IL6ST: variants seen among roughly 807,000 people sequenced by gnomAD.
IL6ST encodes the protein interleukin 6 cytokine family signal transducer, also known as interleukin-6 receptor subunit beta.
A neutral mutation model predicts 91.3 loss-of-function variants in IL6ST; 24 were observed. The ratio of observed to expected loss-of-function variants is 0.26; its 90% CI spans 0.19 to 0.37. The LOEUF (loss-of-function observed/expected upper bound fraction) is 0.37, where lower values mean the gene tolerates loss of function less well. Ranked by LOEUF, IL6ST falls within the 10% of genes least tolerant of loss-of-function variation. The pLI is 1.00. For synonymous variants in IL6ST, 351 were observed against 373.6 expected (o/e 0.94, Z 0.70); for missense variants, 914 against 1,078.5 (o/e 0.85, Z 2.14).
At chr5:55,977,016 T>G (rs959388031) in intron 2 of IL6ST, among the ~76,000 whole-genome samples, 2 of 152,140 alleles carry the variant, frequency 1.3e-5, no homozygotes, top group African/African-American at 4.8e-5. Flanking sequence ...ACTCAAATGT[T>G]CACAGCAGCT....
intron 7 of IL6ST, among the ~76,000 whole-genome samples, chr5:55,962,895 G>A (rs923731529): frequency 3.3e-5 from 5 of 151,914 alleles, no homozygotes; most frequent in African/African-American, 9.7e-5. Flanking sequence ...TAGGAGAATC[G>A]CTTAAGGCCA....
intron 16 of IL6ST, 86 bp from the exon 17 acceptor site, chr5:55,941,905 G>T: frequency 1.7e-6 from 2 of 1,146,786 alleles, no homozygotes; most frequent in Non-Finnish European, 2.5e-6. Flanking sequence ...GTAACTCTCA[G>T]TGGTACAGAA....
In IL6ST at chr5:55,988,411, A is replaced by G. The variant is rs73122424; in HGVS notation, c.-103-5600T>C. On this transcript the variant is annotated intron_variant, in intron 1 of 16. Transcript: ENST00000381298. ...ATTTAACACAGTAGTCAAACAAAAC[A>G]TCATCAAAAAATAATAGGACTATTT... 3.1e-3 allele frequency among the ~76,000 whole-genome samples: 467 copies of G among 152,318 alleles called. 3 individuals carry two copies. Among genetic ancestry groups the G allele is most frequent in the African/African-American group, 0.011 (452 of 41,564 alleles).
chr5:55,950,239 G>C (rs750487693), intron 14 of IL6ST: 179 of 473,434 alleles, frequency 3.8e-4, no homozygotes, highest in Non-Finnish European at 6.3e-4. Context: ...AGGCAAGTAA[G>C]AAAACAGGGT....
At chr5:55,984,896 C>T (rs1032384992) in intron 1 of IL6ST, among the ~76,000 whole-genome samples, 3 of 152,090 alleles carry the variant, frequency 2.0e-5, no homozygotes, top group Admixed American at 6.5e-5. Flanking sequence ...GAAACTAACA[C>T]ATAGTGTGTG....
At chr5:55,975,840 T>C (rs1251231538) in intron 3 of IL6ST, among the ~76,000 whole-genome samples, 2 of 151,906 alleles carry the variant, frequency 1.3e-5, no homozygotes, top group Admixed American at 6.6e-5. Context: ...CTGAAGAGCA[T>C]GTAGTATGAA....
rs774387992 is a variant in IL6ST at position 55,968,356 on chromosome 5, G to A, written c.411C>T (p.Asn137=). Residue 137 remains asparagine (N), a synonymous_variant, in exon 5 of 17, where the codon AAC becomes AAT. Coordinates refer to ENST00000381298, the MANE Select transcript of IL6ST (RefSeq NM_002184.4). ...EKPKNLSCIV[N]EGKKMRCEWD... ...ACTCACACCTCATTTTCTTCCCCTC[G>A]TTCACAATGCAACTCAAATTTTTAG... is the stretch of plus-strand genomic sequence containing the variant. 9.3e-6 allele frequency: 15 copies of A among 1,609,724 alleles called. No individual in the cohort carries two copies. The highest frequency in any genetic ancestry group is 4.5e-5 in the East Asian group (2 of 44,692).
At chr5:55,984,007 ATTT>A (rs35768498) in intron 1 of IL6ST, among the ~76,000 whole-genome samples, 2 of 146,478 alleles carry the variant, frequency 1.4e-5, no homozygotes, top group Non-Finnish European at 3.0e-5. Context: ...CCCTTTACTG[ATTT>A]TTTTTTTTTC....
chr5:55,964,500 TA>T (rs1442583015), intron 5 of IL6ST, among the ~76,000 whole-genome samples, 188 bp from the exon 6 acceptor site: 3 of 152,230 alleles, frequency 2.0e-5, no homozygotes, highest in African/African-American at 7.2e-5. Flanking sequence ...ATCTATATCT[TA>T]AAACATAAAA....
intron 6 of IL6ST, 88 bp downstream of exon 6, chr5:55,964,058 A>T: frequency 1.6e-6 from 1 of 615,274 alleles, no homozygotes; most frequent in Non-Finnish European, 2.5e-6. Context: ...TCTACATTAA[A>T]ATCTTAAAAA....
At position 55,974,158 on chromosome 5, in the gene IL6ST, A is replaced by C. The variant is rs1277961663; in HGVS notation, c.64+2057T>G. Among the ~76,000 whole-genome samples, 7 of 152,206 alleles carry C rather than the reference A, an allele frequency of 4.6e-5. No individual in the cohort carries two copies. In the South Asian group the frequency reaches 1.2e-3, roughly 27 times the overall value. On this transcript the variant is annotated intron_variant, in intron 3 of 16. Transcript: ENST00000381298. ...TGATGTTCAGATCAAAGTAAGTATG[A>C]GTGCCACTGTAGTCAGATTGGTTTT...
At chr5:55,942,942 A>G (rs564635308) in intron 15 of IL6ST, among the ~76,000 whole-genome samples, 191 bp from the exon 16 acceptor site, 2 of 152,330 alleles carry the variant, frequency 1.3e-5, no homozygotes, top group South Asian at 2.1e-4. Flanking sequence ...TTGAAAATGC[A>G]TAAGGATTAT....
At chr5:55,994,676 G>A (rs1371781281) in intron 1 of IL6ST, 108 bp downstream of exon 1, 3 of 152,316 alleles carry the variant, frequency 2.0e-5, no homozygotes, top group Admixed American at 2.0e-4. Context: ...CAAGTTCCGG[G>A]CGCTGCTCTC....
chr5:55,948,044 A>C (rs572432127), intron 14 of IL6ST, among the ~76,000 whole-genome samples: 79 of 152,348 alleles, frequency 5.2e-4, no homozygotes, highest in African/African-American at 1.9e-3. Context: ...ATTGAACTAC[A>C]CATTTAACCT....
intron 5 of IL6ST, among the ~76,000 whole-genome samples, chr5:55,968,047 T>A (rs1374518831): frequency 6.6e-6 from 1 of 152,132 alleles, no homozygotes; most frequent in Non-Finnish European, 1.5e-5. Flanking sequence ...TCTGCCCACC[T>A]CAGCCTCCGT....
chr5:55,967,371 C>T (rs1174421023), intron 5 of IL6ST, among the ~76,000 whole-genome samples: 1 of 96,350 alleles, frequency 1.0e-5, no homozygotes, highest in South Asian at 3.6e-4. Flanking sequence ...AAACAATGTA[C>T]AATGTATAAC....
At chr5:55,955,990 A>G in intron 10 of IL6ST, 35 bp downstream of exon 10, 1 of 1,467,182 alleles carries the variant, frequency 6.8e-7, no homozygotes, top group Non-Finnish European at 9.6e-7. Context: ...CCATTTTTCC[A>G]CCCAAGAGTC....
At position 55,937,890 on chromosome 5, in the gene IL6ST, C is replaced by G. The variant is rs1294275105; in HGVS notation, c.*3192G>C. The G allele has an allele frequency of 2.5e-5, 5 of 198,558 alleles. No individual in the cohort carries two copies. Among genetic ancestry groups the G allele is most frequent in the African/African-American group, 9.2e-5 (4 of 43,442 alleles). 12.3% of individuals were successfully genotyped at this position (198,558 alleles called of 1,614,324 possible). ...AAAATTAGAATGATGTGGACTATAA[C>G]AGAATGAAGGAAGATCTCTCCTGCT... is the stretch of plus-strand genomic sequence containing the variant. On this transcript the variant is annotated 3_prime_UTR_variant, in exon 17 of 17. Coordinates refer to ENST00000381298, the MANE Select transcript of IL6ST (RefSeq NM_002184.4).
rs553038245 is a variant in IL6ST, at chr5:55,979,983, G to C, written c.-16+2741C>G. Among the ~76,000 whole-genome samples the C allele has an allele frequency of 2.0e-5, 3 of 152,284 alleles. No individual in the cohort carries two copies. The East Asian group carries it at 5.8e-4, about 29-fold the overall frequency. ...AGCTCTATATGTACAGAAACATAAA[G>C]TTATCTAAAATACATTGTTACATTG... On this transcript the variant is annotated intron_variant, in intron 2 of 16. Transcript: ENST00000381298.
Sources: gnomAD v4.1 joint callset for allele counts (sites outside exome capture counted in the v4.1 genomes callset) on GRCh38, gnomAD v4.1.1 for gene constraint, MANE v1.5 for transcripts, NCBI Gene and HGNC (gene_info 2026-07-23, HGNC 2026-07-21) for gene names.